Variants in RNGTT observed in about 807,000 individuals in gnomAD.
RNGTT encodes RNA guanylyltransferase and 5'-phosphatase, also known as mRNA-capping enzyme.
Under a neutral mutation model 79.3 loss-of-function variants are expected in RNGTT, and 33 were observed. That is an observed-to-expected ratio of 0.42 (90% CI 0.32 to 0.56). The LOEUF is 0.56. RNGTT is among the 20% of genes least tolerant of loss of function. RNGTT has a pLI of 0.17. For synonymous variants in RNGTT, 222 were observed against 235.9 expected (o/e 0.94, Z 0.54); for missense variants, 497 against 739.1 (o/e 0.67, Z 3.80).
At chr6:88,912,520 A>G (rs1200712234) in intron 4 of RNGTT, among the ~76,000 whole-genome samples, 1 of 152,212 alleles carries the variant, frequency 6.6e-6, no homozygotes, top group African/African-American at 2.4e-5. Context: ...GAGAAAAGAA[A>G]TACCTAAAAT....
intron 13 of RNGTT, among the ~76,000 whole-genome samples, chr6:88,719,360 C>T (rs1049528407): frequency 7.9e-5 from 12 of 152,208 alleles, no homozygotes; most frequent in African/African-American, 2.6e-4. Context: ...TTTTTTATTC[C>T]TTCTGTGGTT....
intron 11 of RNGTT, among the ~76,000 whole-genome samples, chr6:88,841,752 A>G (rs1184536743): frequency 6.6e-6 from 1 of 152,224 alleles, no homozygotes; most frequent in Non-Finnish European, 1.5e-5. Context: ...ATGCCTCCCA[A>G]AGTTTCTGAA....
intron 4 of RNGTT, among the ~76,000 whole-genome samples, chr6:88,927,077 GA>G (rs1029085921): frequency 3.9e-5 from 6 of 151,938 alleles, no homozygotes; most frequent in Admixed American, 6.6e-5. Context: ...AAAATTTGAT[GA>G]AAAAAAGTTT....
chr6:88,893,337 A>G lies in RNGTT; in HGVS notation c.685-1422T>C, dbSNP rs766779964. On this transcript the variant is annotated intron_variant, in intron 6 of 15. Coordinates refer to ENST00000369485, the MANE Select transcript of RNGTT (RefSeq NM_003800.5). ...TGTTCTTTTTAAGTTTTACACAAAGAAAGTCTCTAGCTTCATTTATCAACG... is the reference window on the plus strand; with the variant it reads ...TGTTCTTTTTAAGTTTTACACAAAGGAAGTCTCTAGCTTCATTTATCAACG... Among the ~76,000 whole-genome samples, 55 of 152,110 alleles carry G rather than the reference A, an allele frequency of 3.6e-4. 1 individual carries two copies. The highest frequency in any genetic ancestry group is 6.8e-4 in the Non-Finnish European group (46 of 67,966).
intron 12 of RNGTT, among the ~76,000 whole-genome samples, chr6:88,785,358 G>C (rs1436727388): frequency 6.6e-6 from 1 of 151,820 alleles, no homozygotes; most frequent in Non-Finnish European, 1.5e-5. Flanking sequence ...TGCATCTGTA[G>C]CTGTTTATTT....
intron 8 of RNGTT, among the ~76,000 whole-genome samples, chr6:88,867,914 T>C (rs1449197076): frequency 1.3e-5 from 2 of 152,174 alleles, no homozygotes. Context: ...AAATAAAGTG[T>C]TGGGAAGGAT....
intron 13 of RNGTT, among the ~76,000 whole-genome samples, chr6:88,680,698 C>T (rs1052880269): frequency 8.0e-5 from 12 of 150,188 alleles, no homozygotes; most frequent in Non-Finnish European, 1.2e-4. Context: ...GCCGAGATCA[C>T]GCCATTGCAC....
intron 1 of RNGTT, among the ~76,000 whole-genome samples, chr6:88,942,257 G>A (rs978760307): frequency 1.2e-4 from 19 of 152,176 alleles, no homozygotes; most frequent in Non-Finnish European, 2.5e-4. Flanking sequence ...ACAACTATCA[G>A]TGGTTATTTC....
intron 11 of RNGTT, among the ~76,000 whole-genome samples, chr6:88,803,898 T>C (rs1437573168): frequency 6.6e-6 from 1 of 152,180 alleles, no homozygotes; most frequent in African/African-American, 2.4e-5. Flanking sequence ...AGTAATTTCA[T>C]TTTTTATTCT....
chr6:88,852,652 T>C (rs1781711317), intron 9 of RNGTT, among the ~76,000 whole-genome samples: 1 of 151,892 alleles, frequency 6.6e-6, no homozygotes, highest in Admixed American at 6.6e-5. Context: ...CAGGAAAAAA[T>C]ACAAAAATCA....
At chr6:88,824,428 T>C (rs1332811072) in intron 11 of RNGTT, among the ~76,000 whole-genome samples, 1 of 152,222 alleles carries the variant, frequency 6.6e-6, no homozygotes, top group South Asian at 2.1e-4. Context: ...CCATTATATA[T>C]GCAGTCCAAA....
At chr6:88,748,783 G>A (rs1477546607) in intron 13 of RNGTT, among the ~76,000 whole-genome samples, 1 of 151,732 alleles carries the variant, frequency 6.6e-6, no homozygotes, top group Non-Finnish European at 1.5e-5. Flanking sequence ...ATGGGGAAAA[G>A]TAATATTTGA....
intron 11 of RNGTT, among the ~76,000 whole-genome samples, chr6:88,803,445 G>T (rs756087690): frequency 1.1e-4 from 16 of 151,282 alleles, no homozygotes; most frequent in African/African-American, 3.6e-4. Context: ...GTGGTGGCGC[G>T]CGCCTGTAGT....
intron 11 of RNGTT, among the ~76,000 whole-genome samples, chr6:88,836,390 T>G (rs1352786845): frequency 6.6e-6 from 1 of 151,916 alleles, no homozygotes; most frequent in East Asian, 1.9e-4. Flanking sequence ...CTCACAATCC[T>G]GGGAAAGATG....
chr6:88,896,432 T>C (rs1316438186), intron 6 of RNGTT, among the ~76,000 whole-genome samples: 1 of 152,174 alleles, frequency 6.6e-6, no homozygotes. Flanking sequence ...GCTAAAATTA[T>C]AACAGGTTAC....
intron 14 of RNGTT, among the ~76,000 whole-genome samples, chr6:88,636,074 C>A (rs1046826564): frequency 3.3e-5 from 5 of 152,018 alleles, no homozygotes; most frequent in Non-Finnish European, 7.4e-5. Context: ...CCCTTACCAC[C>A]ACCTGGGAGT....
At chr6:88,795,679 TA>T (rs1562256947) in intron 12 of RNGTT, among the ~76,000 whole-genome samples, 1 of 149,846 alleles carries the variant, frequency 6.7e-6, no homozygotes, top group East Asian at 1.9e-4. Context: ...AACTTAAAAG[TA>T]TAATTTTTTA....
intron 1 of RNGTT, among the ~76,000 whole-genome samples, chr6:88,953,439 A>T (rs533958518): frequency 5.9e-5 from 9 of 152,278 alleles, no homozygotes; most frequent in Admixed American, 1.3e-4. Context: ...AAAAAATTTT[A>T]AAAATGAACA....
intron 13 of RNGTT, among the ~76,000 whole-genome samples, chr6:88,731,884 T>C (rs1342764713): frequency 6.6e-6 from 1 of 152,184 alleles, no homozygotes; most frequent in Non-Finnish European, 1.5e-5. Context: ...ATATTTTGTA[T>C]ATGTATTATA....
Sources: allele counts gnomAD v4.1 joint callset (sites outside exome capture counted in the v4.1 genomes callset), GRCh38; gene constraint gnomAD v4.1.1; transcripts MANE v1.5; gene names NCBI Gene and HGNC (gene_info 2026-07-23, HGNC 2026-07-21).